VGLL4: variants seen among roughly 807,000 people sequenced by gnomAD.
The protein encoded by VGLL4 is transcription cofactor vestigial-like protein 4.
In VGLL4, 7 loss-of-function variants were observed where a neutral mutation model predicts 21.0. That is an observed-to-expected ratio of 0.33 (90% CI 0.19 to 0.63). The LOEUF is 0.63. Among genes scored for constraint, VGLL4 ranks in the 20% least tolerant of loss-of-function variants. The pLI, the probability that VGLL4 is intolerant of heterozygous loss-of-function variation, is 0.78. For synonymous variants in VGLL4, 222 were observed against 173.2 expected (o/e 1.28, Z -2.21); for missense variants, 394 against 425.7 (o/e 0.93, Z 0.66).
At chr3:11,622,481 T>C (rs912429876) in intron 1 of VGLL4, among the ~76,000 whole-genome samples, 1 of 152,214 alleles carries the variant, frequency 6.6e-6, no homozygotes, top group Non-Finnish European at 1.5e-5. Context: ...CCAGCCTATT[T>C]TCTTTAAAGC....
intron 1 of VGLL4, among the ~76,000 whole-genome samples, chr3:11,611,075 A>G (rs1319795565): frequency 6.7e-6 from 1 of 150,194 alleles, no homozygotes; most frequent in Non-Finnish European, 1.5e-5. Flanking sequence ...AAGATGCTTC[A>G]CTGGTTGAGG....
intron 2 of VGLL4, among the ~76,000 whole-genome samples, chr3:11,685,427 G>A (rs1018563839): frequency 1.3e-5 from 2 of 152,082 alleles, no homozygotes; most frequent in Non-Finnish European, 2.9e-5. Flanking sequence ...TTGAACTCCT[G>A]ACCTTGTGAT....
At chr3:11,638,678 C>G (rs1438123045) in intron 1 of VGLL4, among the ~76,000 whole-genome samples, 1 of 152,192 alleles carries the variant, frequency 6.6e-6, no homozygotes, top group African/African-American at 2.4e-5. Context: ...GAGCTCGTCA[C>G]TTGATATGCA....
At chr3:11,633,287 AGAG>A (rs2075518891) in intron 1 of VGLL4, 1 of 152,310 alleles carries the variant, frequency 6.6e-6, no homozygotes, top group Non-Finnish European at 1.5e-5. Context: ...TAAGCCAGAC[AGAG>A]GAGGGAGGTA....
chr3:11,712,289 C>G (rs1394758437), intron 1 of VGLL4, among the ~76,000 whole-genome samples: 5 of 152,176 alleles, frequency 3.3e-5, no homozygotes, highest in Middle Eastern at 3.2e-3. Flanking sequence ...CATTTACCCT[C>G]TCCAGGCCCT....
intron 2 of VGLL4, among the ~76,000 whole-genome samples, chr3:11,658,776 T>C (rs77875879): frequency 0.014 from 2,083 of 152,210 alleles, 50 homozygotes; most frequent in African/African-American, 0.048. Flanking sequence ...TTGTCAGATA[T>C]GCACTTATAA....
intron 1 of VGLL4, among the ~76,000 whole-genome samples, chr3:11,707,252 T>C (rs2076774453): frequency 7.4e-6 from 1 of 135,842 alleles, no homozygotes; most frequent in Non-Finnish European, 1.5e-5. Context: ...CACTTGACCA[T>C]GGAGGGTTGA....
At chr3:11,581,370 C>T (rs2074219993) in intron 2 of VGLL4, among the ~76,000 whole-genome samples, 1 of 152,120 alleles carries the variant, frequency 6.6e-6, no homozygotes, top group Non-Finnish European at 1.5e-5. Context: ...CCCAGCCATG[C>T]AACTTCTCTT....
intron 1 of VGLL4, among the ~76,000 whole-genome samples, chr3:11,634,069 C>T (rs1203919886): frequency 6.6e-6 from 1 of 152,186 alleles, no homozygotes; most frequent in Non-Finnish European, 1.5e-5. Context: ...TCACTCAAAG[C>T]TTCAAGTATT....
At chr3:11,595,546 T>C (rs1007537070) in intron 2 of VGLL4, among the ~76,000 whole-genome samples, 21 of 152,098 alleles carry the variant, frequency 1.4e-4, no homozygotes, top group African/African-American at 4.8e-4. Flanking sequence ...CGTATGTTTA[T>C]TGCAGCACTA....
chr3:11,625,874 T>C (rs994786134), intron 1 of VGLL4, among the ~76,000 whole-genome samples: 12 of 152,182 alleles, frequency 7.9e-5, no homozygotes, highest in South Asian at 2.1e-4. Context: ...AGTAGATCTG[T>C]GGCTGCCAGG....
chr3:11,604,557 T>C (rs2074889054), intron 1 of VGLL4: 2 of 933,846 alleles, frequency 2.1e-6, no homozygotes, highest in Admixed American at 6.7e-5. Context: ...GTGGTAACTG[T>C]TGTATGTGTG....
intron 2 of VGLL4, among the ~76,000 whole-genome samples, chr3:11,595,249 G>A (rs1192852592): frequency 6.6e-6 from 1 of 152,156 alleles, no homozygotes; most frequent in Non-Finnish European, 1.5e-5. Flanking sequence ...AGAAAGAAGG[G>A]GAAATGCAGA....
chr3:11,581,916 A>C (rs2074239632), intron 2 of VGLL4, among the ~76,000 whole-genome samples: 1 of 152,254 alleles, frequency 6.6e-6, no homozygotes, highest in Non-Finnish European at 1.5e-5. Context: ...AGGCGGTCAC[A>C]TGACAGCCAT....
intron 1 of VGLL4, among the ~76,000 whole-genome samples, chr3:11,613,161 T>C (rs1210940971): frequency 6.6e-6 from 1 of 152,108 alleles, no homozygotes; most frequent in Non-Finnish European, 1.5e-5. Flanking sequence ...AAGCTGGTAA[T>C]GGTATGATCT....
chr3:11,600,212 G>T (rs1340605251), intron 2 of VGLL4, among the ~76,000 whole-genome samples: 22 of 151,990 alleles, frequency 1.4e-4, no homozygotes, highest in Non-Finnish European at 3.1e-4. Flanking sequence ...CATTGTCATT[G>T]TCCAATGACA....
chr3:11,680,450 A>G (rs1430560784), intron 2 of VGLL4, among the ~76,000 whole-genome samples: 1 of 152,210 alleles, frequency 6.6e-6, no homozygotes, highest in African/African-American at 2.4e-5. Context: ...TGGAAGGTCA[A>G]AAGCCGCATC....
At position 11,565,064 on chromosome 3, in the gene VGLL4, A is replaced by C. The variant is rs1249356156; in HGVS notation, c.273-45T>G. On this transcript the variant is annotated intron_variant, in intron 2 of 4. Coordinates refer to ENST00000430365, the MANE Select transcript of VGLL4 (RefSeq NM_001128219.3). This position sits in a 1 kb window ranked among gnomAD's most constrained non-coding sequence, Gnocchi z 4.1. ...ATTCAGGGGGCGTTTTCTCAAAGGC[A>C]AAGGGGACAGTGACTGTGCGCCAGG... is the stretch of plus-strand genomic sequence containing the variant. The C allele has an allele frequency of 6.9e-7, 1 of 1,450,780 alleles. No homozygotes were observed. Among genetic ancestry groups the C allele is most frequent in the Admixed American group, 2.7e-5 (1 of 37,160 alleles). The allele number at this position is 1,450,780 out of a possible 1,614,324, so 89.9% of individuals were successfully genotyped here.
chr3:11,595,625 G>C (rs1031800996), intron 2 of VGLL4, among the ~76,000 whole-genome samples: 1 of 152,184 alleles, frequency 6.6e-6, no homozygotes, highest in Middle Eastern at 3.4e-3. Context: ...AGAAAATGTG[G>C]CACATATACA....
Sources: gnomAD v4.1 joint callset for allele counts (sites outside exome capture counted in the v4.1 genomes callset) on GRCh38, gnomAD v4.1.1 for gene constraint, Gnocchi (gnomAD v3.1) non-coding constraint, MANE v1.5 for transcripts, NCBI Gene and HGNC (gene_info 2026-07-23, HGNC 2026-07-21) for gene names.